The following CYFIP1 variants were observed in gnomAD, a reference collection of about 807,000 sequenced individuals.
CYFIP1 encodes cytoplasmic FMR1 interacting protein 1.
CYFIP1 carries 58 observed loss-of-function variants against 163.5 expected under a neutral mutation model. That is an observed-to-expected ratio of 0.35 (90% CI 0.29 to 0.44). The LOEUF is 0.44. CYFIP1 is among the 20% of genes least tolerant of loss of function. The pLI, the probability that CYFIP1 is intolerant of heterozygous loss-of-function variation, is 1.00. For missense variants in CYFIP1, 1,338 were observed against 1,653.8 expected, an observed-to-expected ratio of 0.81 and a Z score of 3.31; for synonymous variants, 663 against 660.7, an observed-to-expected ratio of 1.00 and a Z score of -0.05.
At chr15:22,924,323 C>T (rs2061291582) in intron 13 of CYFIP1, among the ~76,000 whole-genome samples, 1 of 152,130 alleles carries the variant, frequency 6.6e-6, no homozygotes, top group Admixed American at 6.5e-5. Flanking sequence ...ACTCTGGAGA[C>T]TGAGGCACAA....
At chr15:22,910,655 T>C in intron 19 of CYFIP1, 27 bp from the exon 20 acceptor site, 1 of 1,609,870 alleles carries the variant, frequency 6.2e-7, no homozygotes, top group Non-Finnish European at 8.5e-7. Context: ...ACAGAAAGTT[T>C]TTCATACGCC....
At chr15:22,885,621 T>C (rs2059907825) in intron 23 of CYFIP1, among the ~76,000 whole-genome samples, 1 of 152,104 alleles carries the variant, frequency 6.6e-6, no homozygotes, top group South Asian at 2.1e-4. Flanking sequence ...TAATCCCAGC[T>C]ACTTGGGAGG....
intron 1 of CYFIP1, among the ~76,000 whole-genome samples, chr15:22,966,392 C>A (rs866198931): frequency 2.6e-5 from 2 of 75,750 alleles, no homozygotes; most frequent in Non-Finnish European, 2.8e-5. Context: ...AAAAAAAAGA[C>A]AAGATTAGGA....
chr15:22,870,225 T>C lies in CYFIP1; in HGVS notation c.3598-33A>G, dbSNP rs1270295855. ...CATCAAAGTGAGGATGTTTTACTATTAACACTTCAACATTTATTCTTCATG... is the reference window on the plus strand; with the variant it reads ...CATCAAAGTGAGGATGTTTTACTATCAACACTTCAACATTTATTCTTCATG... On this transcript the variant is annotated intron_variant, in intron 30 of 30. Coordinates refer to ENST00000617928, the MANE Select transcript of CYFIP1 (RefSeq NM_014608.6). The C allele has an allele frequency of 3.2e-6, 5 of 1,574,180 alleles. No homozygotes were observed. In the African/African-American group the frequency reaches 4.1e-5, roughly 13 times the overall value.
At chr15:22,870,338 T>TG (rs879659125) in intron 30 of CYFIP1, 146 bp from the exon 31 acceptor site, 3 of 971,140 alleles carry the variant, frequency 3.1e-6, no homozygotes, top group East Asian at 2.9e-5. Context: ...GGTTTTTTTT[T>TG]GTAAGATAGG....
chr15:22,950,441 C>T (rs879753896), intron 1 of CYFIP1, among the ~76,000 whole-genome samples: 5 of 152,140 alleles, frequency 3.3e-5, no homozygotes, highest in Non-Finnish European at 7.4e-5. Context: ...CAGAACAACC[C>T]TCAATGTGAA....
At chr15:22,964,856 G>A (rs1018102864) in intron 1 of CYFIP1, among the ~76,000 whole-genome samples, 2 of 152,080 alleles carry the variant, frequency 1.3e-5, no homozygotes, top group Non-Finnish European at 2.9e-5. Flanking sequence ...TATTTGCAGC[G>A]ACCCTCATTC....
At chr15:22,932,761 G>GT (rs1359846169) in intron 10 of CYFIP1, among the ~76,000 whole-genome samples, 1 of 152,182 alleles carries the variant, frequency 6.6e-6, no homozygotes, top group Non-Finnish European at 1.5e-5. Context: ...TCTTCACAGA[G>GT]TAAGATGGTA....
intron 23 of CYFIP1, among the ~76,000 whole-genome samples, chr15:22,890,481 GC>G (rs1244434725): frequency 6.6e-6 from 1 of 152,152 alleles, no homozygotes; most frequent in African/African-American, 2.4e-5. Flanking sequence ...ACCCCACCCT[GC>G]CCCACAGAGG....
At chr15:22,909,169 A>C in intron 21 of CYFIP1, 25 bp downstream of exon 21, 1 of 1,613,138 alleles carries the variant, frequency 6.2e-7, no homozygotes, top group Non-Finnish European at 8.5e-7. Context: ...CCAATTTATC[A>C]ATAGGGCAAA....
intron 9 of CYFIP1, among the ~76,000 whole-genome samples, chr15:22,934,839 C>A (rs1842314964): frequency 1.3e-5 from 2 of 150,222 alleles, no homozygotes; most frequent in Admixed American, 6.7e-5. Context: ...AATACAAAAA[C>A]TTAAAGAGAA....
chr15:22,890,501 G>A (rs1052116475), intron 23 of CYFIP1, among the ~76,000 whole-genome samples: 7 of 152,096 alleles, frequency 4.6e-5, no homozygotes, highest in Non-Finnish European at 1.0e-4. Flanking sequence ...GGAGAGGCCC[G>A]GTCACTGCAT....
intron 1 of CYFIP1, among the ~76,000 whole-genome samples, chr15:22,959,815 C>T (rs2062614258): frequency 6.6e-6 from 1 of 152,216 alleles, no homozygotes; most frequent in Admixed American, 6.5e-5. Context: ...TCAGGTTCTC[C>T]TCTCAGGGCC....
chr15:22,951,312 G>A (rs1314247234), intron 1 of CYFIP1: 3 of 1,137,714 alleles, frequency 2.6e-6, no homozygotes, highest in Non-Finnish European at 3.3e-6. Context: ...AGAAACTCTC[G>A]TCCACTTCCC....
intron 30 of CYFIP1, 132 bp downstream of exon 30, chr15:22,872,693 A>G: frequency 1.1e-6 from 1 of 883,412 alleles, no homozygotes; most frequent in Non-Finnish European, 1.7e-6. Flanking sequence ...TTTGGGAACG[A>G]AAAGAAAGTT....
intron 24 of CYFIP1, among the ~76,000 whole-genome samples, chr15:22,882,528 G>C (rs1027030643): frequency 6.6e-6 from 1 of 152,114 alleles, no homozygotes; most frequent in African/African-American, 2.4e-5. Flanking sequence ...ATCCAGGCTG[G>C]CCAAGGTGGC....
chr15:22,963,882 C>G (rs1368676539), intron 1 of CYFIP1, among the ~76,000 whole-genome samples: 2 of 152,140 alleles, frequency 1.3e-5, no homozygotes, highest in Non-Finnish European at 2.9e-5. Context: ...GTAGAAAGGA[C>G]CTTCCAGGCC....
At chr15:22,932,010 G>A (rs1240538564) in intron 11 of CYFIP1, among the ~76,000 whole-genome samples, 5 of 152,198 alleles carry the variant, frequency 3.3e-5, no homozygotes, top group African/African-American at 9.6e-5. Context: ...GCCACAGGCT[G>A]TACCATCCAG....
chr15:22,890,059 C>T lies in CYFIP1; in HGVS notation c.2676+2831G>A, dbSNP rs568653554. On this transcript the variant is annotated intron_variant, in intron 23 of 30. Transcript: ENST00000617928. ...GCTCATGCCTGTAATTCCAACACTT[C>T]GGGAGGCCAAGGTGGGCGGATCATT... Among the ~76,000 whole-genome samples the T allele has an allele frequency of 1.1e-4, 16 of 151,868 alleles. No individual in the cohort carries two copies. The East Asian group carries it at 2.1e-3, about 20-fold the overall frequency.
Sources: allele counts gnomAD v4.1 joint callset (sites outside exome capture counted in the v4.1 genomes callset), GRCh38; gene constraint gnomAD v4.1.1; transcripts MANE v1.5; gene names NCBI Gene and HGNC (gene_info 2026-07-23, HGNC 2026-07-21).